The following GRM8 variants were observed in gnomAD, a reference collection of about 807,000 sequenced individuals.
The protein encoded by GRM8 is glutamate metabotropic receptor 8, also known as metabotropic glutamate receptor 8.
In GRM8, 47 loss-of-function variants were observed where a neutral mutation model predicts 87.2. That is an observed-to-expected ratio of 0.54 (90% CI 0.43 to 0.69). The LOEUF (loss-of-function observed/expected upper bound fraction) is 0.69. Ranked by LOEUF, GRM8 falls within the 30% of genes least tolerant of loss-of-function variation. The pLI, the probability that GRM8 is intolerant of heterozygous loss-of-function variation, is 0.00. For missense variants in GRM8, 1,019 were observed against 1,139.2 expected (o/e 0.89, Z 1.52); for synonymous variants, 396 against 404.5 (o/e 0.98, Z 0.25).
intron 3 of GRM8, among the ~76,000 whole-genome samples, chr7:126,998,016 G>C (rs2213968): frequency 0.42 from 63,473 of 151,642 alleles, 13,388 homozygotes; most frequent in Middle Eastern, 0.52. Flanking sequence ...AATGTTGATA[G>C]AAAAATCCTC....
At chr7:127,081,935 G>A (rs1035771858) in intron 3 of GRM8, among the ~76,000 whole-genome samples, 2 of 152,132 alleles carry the variant, frequency 1.3e-5, no homozygotes, top group Non-Finnish European at 2.9e-5. Flanking sequence ...AAGAAGGAAG[G>A]AAGCCAGGAA....
At chr7:126,519,108 C>T (rs964604238) in intron 9 of GRM8, among the ~76,000 whole-genome samples, 2 of 152,002 alleles carry the variant, frequency 1.3e-5, no homozygotes, top group Admixed American at 1.3e-4. Context: ...TTGCAAAGCA[C>T]TTGGATTGTG....
At chr7:127,126,905 T>A (rs569757463) in intron 2 of GRM8, among the ~76,000 whole-genome samples, 2 of 151,872 alleles carry the variant, frequency 1.3e-5, no homozygotes, top group East Asian at 3.9e-4. Flanking sequence ...CAGTCCAAAT[T>A]TTAAAATGGG....
chr7:126,806,548 G>A (rs1390753772), intron 6 of GRM8, among the ~76,000 whole-genome samples: 2 of 152,340 alleles, frequency 1.3e-5, no homozygotes, highest in African/African-American at 2.4e-5. Context: ...TGATTGGTCC[G>A]TTTTGACAGA....
At chr7:126,769,721 T>C in intron 7 of GRM8, 144 bp downstream of exon 7, 1 of 600,070 alleles carries the variant, frequency 1.7e-6, no homozygotes, top group Non-Finnish European at 3.0e-6. Context: ...CAAAAGCAGG[T>C]GGAAAAACTC....
chr7:126,760,170 A>C (rs1817447020), intron 7 of GRM8, among the ~76,000 whole-genome samples: 1 of 152,188 alleles, frequency 6.6e-6, no homozygotes. Context: ...ACCTCTCTCC[A>C]GGATTTATCA....
chr7:127,104,502 A>T (rs1051487027), intron 3 of GRM8, among the ~76,000 whole-genome samples: 1 of 152,212 alleles, frequency 6.6e-6, no homozygotes, highest in Non-Finnish European at 1.5e-5. Context: ...GATGATTTTG[A>T]TATTTAATAT....
chr7:126,990,363 G>T (rs563082071), intron 3 of GRM8, among the ~76,000 whole-genome samples: 1 of 151,910 alleles, frequency 6.6e-6, no homozygotes, highest in Non-Finnish European at 1.5e-5. Context: ...AATATGGCTG[G>T]CATTGTCACT....
At chr7:127,164,126 G>GTAA (rs1364434054) in intron 2 of GRM8, among the ~76,000 whole-genome samples, 1 of 152,016 alleles carries the variant, frequency 6.6e-6, no homozygotes, top group Non-Finnish European at 1.5e-5. Context: ...ATCATTTAAA[G>GTAA]GGGTATAGTA....
In GRM8 at chr7:126,937,958, G is replaced by T. The variant is rs144202843; in HGVS notation, c.728-33275C>A. Reference sequence around the variant, plus strand: ...GGATACTTAGATGCTAGGGAGACAAGCTGTGAACAGAGACTATTCATTATC... The same window carrying T: ...GGATACTTAGATGCTAGGGAGACAATCTGTGAACAGAGACTATTCATTATC... On this transcript the variant is annotated intron_variant, in intron 3 of 10. Coordinates refer to ENST00000339582, the MANE Select transcript of GRM8 (RefSeq NM_000845.3). 1.6e-3 allele frequency among the ~76,000 whole-genome samples: 250 copies of T among 152,276 alleles called. 1 individual carries two copies. The highest frequency in any genetic ancestry group is 5.8e-3 in the African/African-American group (242 of 41,570).
chr7:126,852,085 G>A (rs957556221), intron 6 of GRM8, among the ~76,000 whole-genome samples: 2 of 152,118 alleles, frequency 1.3e-5, no homozygotes, highest in Admixed American at 6.5e-5. Flanking sequence ...ATATGCATAG[G>A]TGTGATGCTG....
intron 9 of GRM8, among the ~76,000 whole-genome samples, chr7:126,520,617 A>T (rs1348453701): frequency 2.0e-5 from 3 of 152,160 alleles, no homozygotes; most frequent in Non-Finnish European, 4.4e-5. Flanking sequence ...AAACAAAAAG[A>T]TTCAAAGCAA....
intron 2 of GRM8, among the ~76,000 whole-genome samples, chr7:127,161,541 A>C (rs1340506465): frequency 6.6e-6 from 1 of 152,178 alleles, no homozygotes; most frequent in Non-Finnish European, 1.5e-5. Context: ...GCATTACTTT[A>C]GTGCATGTGT....
intron 10 of GRM8, among the ~76,000 whole-genome samples, chr7:126,440,410 CAAAAAAAA>C (rs35828454): frequency 2.7e-5 from 2 of 75,446 alleles, no homozygotes; most frequent in Admixed American, 3.5e-4. Flanking sequence ...GACTCCATCT[CAAAAAAAA>C]AAAAAAAAAA....
At chr7:126,742,116 GCATTTGGGTGAAAAAAAATC>G (rs1053538405) in intron 7 of GRM8, among the ~76,000 whole-genome samples, 24 of 151,600 alleles carry the variant, frequency 1.6e-4, no homozygotes, top group South Asian at 4.1e-4. Flanking sequence ...TTTTCCATCT[GCATTTGGGTGAAAAAAAATC>G]CATTTGGGTG....
At chr7:127,204,646 A>G (rs1795801552) in intron 2 of GRM8, among the ~76,000 whole-genome samples, 1 of 151,418 alleles carries the variant, frequency 6.6e-6, no homozygotes, top group South Asian at 2.1e-4. Context: ...CTCCGATTTG[A>G]CATTACTGTC....
chr7:126,638,338 G>C (rs1388728326), intron 7 of GRM8, among the ~76,000 whole-genome samples: 1 of 151,322 alleles, frequency 6.6e-6, no homozygotes, highest in Non-Finnish European at 1.5e-5. Flanking sequence ...TACTGCTCTG[G>C]CACAAGGCAG....
intron 7 of GRM8, among the ~76,000 whole-genome samples, chr7:126,755,688 T>C (rs943432236): frequency 6.6e-6 from 1 of 151,952 alleles, no homozygotes; most frequent in African/African-American, 2.4e-5. Context: ...GGTAACCTTA[T>C]ACTGATGTTT....
At chr7:127,023,710 A>G (rs1423841140) in intron 3 of GRM8, among the ~76,000 whole-genome samples, 3 of 151,968 alleles carry the variant, frequency 2.0e-5, no homozygotes, top group Admixed American at 2.0e-4. Context: ...ATGGAAACAA[A>G]CCCCCCAAAA....
Sources: allele counts gnomAD v4.1 joint callset (sites outside exome capture counted in the v4.1 genomes callset), GRCh38; gene constraint gnomAD v4.1.1; transcripts MANE v1.5; gene names NCBI Gene and HGNC (gene_info 2026-07-23, HGNC 2026-07-21).